Variants in LRRC7 observed in about 807,000 individuals in gnomAD.
LRRC7 encodes the protein leucine-rich repeat-containing protein 7.
In LRRC7, 23 loss-of-function variants were observed where a neutral mutation model predicts 175.7. The ratio of observed to expected loss-of-function variants is 0.13; its 90% CI spans 0.09 to 0.19. The LOEUF (loss-of-function observed/expected upper bound fraction) is 0.19, where lower values mean the gene tolerates loss of function less well. Among genes scored for constraint, LRRC7 ranks in the 10% least tolerant of loss-of-function variants. The pLI is 1.00. For synonymous variants in LRRC7, 685 were observed against 680.9 expected (o/e 1.01, Z -0.09); for missense variants, 1,354 against 1,904.7 (o/e 0.71, Z 5.38).
intron 3 of LRRC7, among the ~76,000 whole-genome samples, chr1:69,791,493 A>T (rs1675116426): frequency 6.6e-6 from 1 of 152,000 alleles, no homozygotes; most frequent in Non-Finnish European, 1.5e-5. Flanking sequence ...GATTTTTTTC[A>T]CCAAATATCA....
intron 23 of LRRC7, among the ~76,000 whole-genome samples, chr1:70,053,580 A>G (rs556866739): frequency 1.3e-5 from 2 of 152,302 alleles, no homozygotes; most frequent in East Asian, 3.9e-4. Context: ...TGTGTGGAGC[A>G]CTTGCTAGAT....
In LRRC7 at chr1:69,970,789, A is replaced by G. The variant is rs561015658; in HGVS notation, c.712-9590A>G. On this transcript the variant is annotated intron_variant, in intron 8 of 26. Transcript: ENST00000651989. ...CCCTAAATCATTGTATGAAACCATT[A>G]TCACCCTAATACCAAAACCAGGAAA... Among the ~76,000 whole-genome samples the G allele has an allele frequency of 2.0e-4, 30 of 152,306 alleles. No individual in the cohort carries two copies. The South Asian group carries it at 5.8e-3, about 29-fold the overall frequency.
chr1:69,815,036 G>A (rs931180893), intron 4 of LRRC7, among the ~76,000 whole-genome samples: 4 of 152,092 alleles, frequency 2.6e-5, no homozygotes, highest in African/African-American at 9.7e-5. Flanking sequence ...CACATTAGTT[G>A]TTCTTTCACT....
At chr1:69,630,517 T>C (rs1371541280) in intron 1 of LRRC7, among the ~76,000 whole-genome samples, 1 of 152,146 alleles carries the variant, frequency 6.6e-6, no homozygotes, top group East Asian at 1.9e-4. Flanking sequence ...GTAACGAATA[T>C]TATTTAATCT....
intron 8 of LRRC7, among the ~76,000 whole-genome samples, chr1:69,942,240 G>A (rs745785427): frequency 7.2e-5 from 11 of 152,170 alleles, no homozygotes; most frequent in South Asian, 2.1e-4. Flanking sequence ...CACAAAACCC[G>A]TATGAAGGGT....
chr1:69,899,817 A>G (rs1646084477), intron 7 of LRRC7, among the ~76,000 whole-genome samples: 1 of 152,134 alleles, frequency 6.6e-6, no homozygotes, highest in South Asian at 2.1e-4. Flanking sequence ...ATGAGGACTT[A>G]GCCTTCCTCC....
chr1:70,076,064 A>T lies in LRRC7; in HGVS notation c.4231-13A>T. 1 of 1,612,544 alleles carries T rather than the reference A, an allele frequency of 6.2e-7. No homozygotes were observed. The highest frequency in any genetic ancestry group is 8.5e-7 in the Non-Finnish European group (1 of 1,179,694). Reference sequence around the variant, plus strand: ...ACCATGAATCTTTGCCTGACAGATTATCTTCTCCACAGGCAGGCAGCCACA... The same window carrying T: ...ACCATGAATCTTTGCCTGACAGATTTTCTTCTCCACAGGCAGGCAGCCACA... On this transcript the variant is annotated splice_polypyrimidine_tract_variant and intron_variant, in intron 23 of 26. Transcript: ENST00000651989.
intron 5 of LRRC7, among the ~76,000 whole-genome samples, chr1:69,827,206 T>C (rs1680016197): frequency 6.6e-6 from 1 of 152,216 alleles, no homozygotes. Context: ...GTCATGTCCT[T>C]GACTTGAGTC....
rs1666544701 is a variant in LRRC7 at position 70,128,663 on chromosome 1, A to G, written c.*6776A>G. ...AAATATTATGATTATAAATATTAAA[A>G]TAAATATTTGTTGGGCATCAACTAC... On this transcript the variant is annotated 3_prime_UTR_variant, in exon 27 of 27. Transcript: ENST00000651989. 1 of 152,218 alleles carries G rather than the reference A, an allele frequency of 6.6e-6. No individual in the cohort carries two copies. The highest frequency in any genetic ancestry group is 1.5e-5 in the Non-Finnish European group (1 of 68,046). 9.4% of individuals were successfully genotyped at this position (152,218 alleles called of 1,614,324 possible). A position where few individuals can be genotyped will look rare whatever the true frequency, so the allele number is the denominator to read the frequency against.
At chr1:69,747,626 ATT>A (rs1669397892) in intron 2 of LRRC7, among the ~76,000 whole-genome samples, 1 of 152,036 alleles carries the variant, frequency 6.6e-6, no homozygotes, top group Non-Finnish European at 1.5e-5. Flanking sequence ...GCCTTTCATC[ATT>A]TTCTAAATAA....
chr1:69,991,824 C>T (rs1454928336), intron 10 of LRRC7, among the ~76,000 whole-genome samples: 2 of 152,104 alleles, frequency 1.3e-5, no homozygotes, highest in Non-Finnish European at 2.9e-5. Context: ...TACTCAACAA[C>T]AAGCCCCGTG....
At chr1:70,090,677 T>G (rs1663965458) in intron 25 of LRRC7, among the ~76,000 whole-genome samples, 1 of 152,040 alleles carries the variant, frequency 6.6e-6, no homozygotes, top group Non-Finnish European at 1.5e-5. Flanking sequence ...TTTAGGATGA[T>G]GAAGAAGGAA....
chr1:69,627,554 G>C (rs1651798673), intron 1 of LRRC7, among the ~76,000 whole-genome samples: 1 of 151,968 alleles, frequency 6.6e-6, no homozygotes, highest in African/African-American at 2.4e-5. Context: ...AGTTTCTTTT[G>C]CTGTGCAGAA....
intron 18 of LRRC7, among the ~76,000 whole-genome samples, chr1:70,032,524 A>G (rs2102007821): frequency 6.6e-6 from 1 of 152,196 alleles, no homozygotes; most frequent in East Asian, 1.9e-4. Context: ...TTATGTGCCA[A>G]TTCCTTCCCC....
intron 8 of LRRC7, among the ~76,000 whole-genome samples, chr1:69,973,449 TAAAA>T (rs1160617045): frequency 6.6e-6 from 1 of 152,000 alleles, no homozygotes; most frequent in Non-Finnish European, 1.5e-5. Flanking sequence ...AAAATTTTAA[TAAAA>T]AAATTAAATA....
intron 2 of LRRC7, 35 bp from the exon 3 acceptor site, chr1:69,760,156 C>CTGTTTTGTTT (rs770868515): frequency 6.2e-7 from 1 of 1,600,144 alleles, no homozygotes; most frequent in Admixed American, 1.7e-5. Context: ...ACTGGATAAG[C>CTGTTTTGTTT]TGTTTTGTTT....
At chr1:69,668,634 G>A (rs977227809) in intron 1 of LRRC7, among the ~76,000 whole-genome samples, 9 of 152,222 alleles carry the variant, frequency 5.9e-5, no homozygotes, top group African/African-American at 1.7e-4. Context: ...ATAGTAGAAT[G>A]ATTTATTATC....
chr1:70,063,863 GTT>G (rs1661767625), intron 23 of LRRC7, among the ~76,000 whole-genome samples: 1 of 152,110 alleles, frequency 6.6e-6, no homozygotes, highest in East Asian at 1.9e-4. Flanking sequence ...CCATAGCTAT[GTT>G]TTGTTGGTTG....
chr1:70,023,381 C>T lies in LRRC7; in HGVS notation c.1794+7C>T. The stretch of plus-strand genomic sequence containing the variant: ...CTCTCTAAGTGGCAGACAGGTAGGC[C>T]TAGGTGTCTGGGGTAGGAGAATCTC... On this transcript the variant is annotated splice_region_variant and intron_variant, in intron 17 of 26. Coordinates refer to ENST00000651989, the MANE Select transcript of LRRC7 (RefSeq NM_001370785.2). The T allele has an allele frequency of 1.3e-6, 2 of 1,565,514 alleles. No individual in the cohort carries two copies.
Sources: allele counts gnomAD v4.1 joint callset (sites outside exome capture counted in the v4.1 genomes callset), GRCh38; gene constraint gnomAD v4.1.1; transcripts MANE v1.5; gene names NCBI Gene and HGNC (gene_info 2026-07-23, HGNC 2026-07-21).